PRORP: variants seen among roughly 807,000 people sequenced by gnomAD.
The protein encoded by PRORP is mitochondrial ribonuclease P catalytic subunit.
A neutral mutation model predicts 59.4 loss-of-function variants in PRORP; 51 were observed. The ratio of observed to expected loss-of-function variants is 0.86; its 90% CI spans 0.69 to 1.08. The LOEUF (loss-of-function observed/expected upper bound fraction) is 1.08, where lower values mean the gene tolerates loss of function less well. PRORP is among the 50% of genes least tolerant of loss of function. The probability of loss-of-function intolerance (pLI) is 0.00; values close to 1 mark genes in which losing one functional copy is unlikely to be tolerated. For synonymous variants in PRORP, 231 were observed against 245.6 expected, an observed-to-expected ratio of 0.94 and a Z score of 0.55; for missense variants, 646 against 690.3, an observed-to-expected ratio of 0.94 and a Z score of 0.72.
chr14:35,184,027 T>G (rs1304583638), intron 5 of PRORP, among the ~76,000 whole-genome samples: 1 of 152,158 alleles, frequency 6.6e-6, no homozygotes, highest in Admixed American at 6.5e-5. Flanking sequence ...TTCCAGACTT[T>G]TTGTCTGTGG....
intron 4 of PRORP, among the ~76,000 whole-genome samples, chr14:35,169,859 G>C (rs754723679): frequency 6.6e-6 from 1 of 152,178 alleles, no homozygotes; most frequent in Non-Finnish European, 1.5e-5. Flanking sequence ...ATATAGATTT[G>C]TCTTCGAAGT....
chr14:35,231,179 A>G (rs1277202016), intron 5 of PRORP, among the ~76,000 whole-genome samples: 1 of 152,208 alleles, frequency 6.6e-6, no homozygotes, highest in Non-Finnish European at 1.5e-5. Flanking sequence ...ACTACCTTAC[A>G]TCACATTACC....
At chr14:35,162,299 A>T (rs951784501) in intron 4 of PRORP, among the ~76,000 whole-genome samples, 1 of 152,154 alleles carries the variant, frequency 6.6e-6, no homozygotes, top group Non-Finnish European at 1.5e-5. Context: ...CTTCATGGAA[A>T]TTTTAACAGT....
chr14:35,140,316 A>G (rs1186444403), intron 4 of PRORP, among the ~76,000 whole-genome samples: 1 of 145,306 alleles, frequency 6.9e-6, no homozygotes, highest in Non-Finnish European at 1.5e-5. Context: ...CCAGCAGAGT[A>G]TGAGGGCTAT....
At position 35,123,943 on chromosome 14, in the gene PRORP, T is replaced by G; in HGVS notation, c.698T>G (p.Leu233Ter). ...AGATGGAGAGAAGCATTGTTGCTGT[T>G]AGAGGACATCAAAAAAGTTATAACT... ...SDRWREALLL[L>*]EDIKKVITPS... Residue 233 changes from leucine to a stop codon, truncating the protein, a stop_gained, in exon 2 of 8, where the codon TTA (leucine) becomes TGA (stop). Coordinates refer to ENST00000534898, the MANE Select transcript of PRORP (RefSeq NM_014672.4). LOFTEE classifies it high-confidence loss of function. 1 of 1,614,162 alleles carries G rather than the reference T, an allele frequency of 6.2e-7. No individual in the cohort carries two copies. The highest frequency in any genetic ancestry group is 8.5e-7 in the Non-Finnish European group (1 of 1,180,020).
At chr14:35,134,041 C>G (rs2047315021) in intron 4 of PRORP, among the ~76,000 whole-genome samples, 1 of 152,208 alleles carries the variant, frequency 6.6e-6, no homozygotes, top group African/African-American at 2.4e-5. Context: ...GTAAAGCCAG[C>G]CAGGCCTGTG....
At position 35,249,401 on chromosome 14, in the gene PRORP, A is replaced by G. The variant is rs578218311; in HGVS notation, c.1276-17326A>G. ...GTTCAAGACCAGCCTGGGCAACATC[A>G]TGAGACCCTATCTCTACAAAAAATA... is the stretch of plus-strand genomic sequence containing the variant. On this transcript the variant is annotated intron_variant, in intron 5 of 7. Transcript: ENST00000534898. 1.8e-3 allele frequency among the ~76,000 whole-genome samples: 273 copies of G among 152,132 alleles called. 1 individual carries two copies. The highest frequency in any genetic ancestry group is 6.3e-3 in the African/African-American group (262 of 41,498).
intron 4 of PRORP, among the ~76,000 whole-genome samples, chr14:35,151,934 CTTT>C (rs11342103): frequency 2.4e-5 from 3 of 124,822 alleles, no homozygotes; most frequent in African/African-American, 3.0e-5. Context: ...GTTAATCCAT[CTTT>C]TTTTTTTTTT....
chr14:35,153,741 G>C (rs1478674213), intron 4 of PRORP, among the ~76,000 whole-genome samples: 1 of 152,140 alleles, frequency 6.6e-6, no homozygotes, highest in African/African-American at 2.4e-5. Flanking sequence ...GTTGTTTAAA[G>C]GAACATGCCT....
chr14:35,143,180 T>A (rs940353921), intron 4 of PRORP, among the ~76,000 whole-genome samples: 3 of 146,014 alleles, frequency 2.1e-5, no homozygotes, highest in African/African-American at 7.3e-5. Flanking sequence ...AGCGAGACAG[T>A]CTCTCTCTGT....
In PRORP at chr14:35,266,875, T is replaced by C. The variant is rs1343357011; in HGVS notation, c.1424T>C (p.Ile475Thr). ...KQASCFFADD[I>T]SEDDPFLLYA... ...GCCAGCTGTTTTTTTGCTGATGACATGTAAGTGTTGGAGGTAATAGGTGAA... is the reference window on the plus strand; with the variant it reads ...GCCAGCTGTTTTTTTGCTGATGACACGTAAGTGTTGGAGGTAATAGGTGAA... The change falls in exon 6 of 8, where the codon ATC becomes ACC. Residue 475 changes from isoleucine to threonine, a missense_variant and splice_region_variant. Coordinates refer to ENST00000534898, the MANE Select transcript of PRORP (RefSeq NM_014672.4). 2.5e-6 allele frequency: 4 copies of C among 1,613,934 alleles called. No individual in the cohort carries two copies. Among genetic ancestry groups the C allele is most frequent in the Non-Finnish European group, 3.4e-6 (4 of 1,180,006 alleles).
At chr14:35,196,307 G>GC (rs2049007702) in intron 5 of PRORP, among the ~76,000 whole-genome samples, 1 of 152,066 alleles carries the variant, frequency 6.6e-6, no homozygotes, top group African/African-American at 2.4e-5. Context: ...AGACCCCCCT[G>GC]CCCCCTGCCA....
intron 5 of PRORP, among the ~76,000 whole-genome samples, chr14:35,238,287 G>A (rs2050271940): frequency 6.6e-6 from 1 of 152,114 alleles, no homozygotes; most frequent in Non-Finnish European, 1.5e-5. Context: ...ATGCCCTGTG[G>A]TATGCATTTG....
rs2051296934 is a variant in PRORP at position 35,276,573 on chromosome 14, C to T, written c.*3007C>T. The stretch of plus-strand genomic sequence containing the variant: ...GTGACCTTGAGGAGTGCAGGGATTC[C>T]CTGAAGGAAGCAGCTGGTACCAGAC... On this transcript the variant is annotated 3_prime_UTR_variant, in exon 8 of 8. Coordinates refer to ENST00000534898, the MANE Select transcript of PRORP (RefSeq NM_014672.4). 1 of 151,672 alleles carries T rather than the reference C, an allele frequency of 6.6e-6. No individual in the cohort carries two copies. Among genetic ancestry groups the T allele is most frequent in the Admixed American group, 6.6e-5 (1 of 15,198 alleles). 9.4% of individuals were successfully genotyped at this position (151,672 alleles called of 1,614,324 possible). A position where few individuals can be genotyped will look rare whatever the true frequency, so the allele number is the denominator to read the frequency against.
At chr14:35,143,126 A>G in intron 4 of PRORP, among the ~76,000 whole-genome samples, 1 of 146,026 alleles carries the variant, frequency 6.8e-6, no homozygotes, top group Non-Finnish European at 1.5e-5. Context: ...ATATTTAAAC[A>G]TTATTGAACA....
At chr14:35,259,843 C>T (rs1230252222) in intron 5 of PRORP, among the ~76,000 whole-genome samples, 3 of 152,022 alleles carry the variant, frequency 2.0e-5, no homozygotes, top group Non-Finnish European at 4.4e-5. Context: ...TGCAGTGAGC[C>T]GAGATCAGAC....
Position 35,197,541 on chromosome 14 carries a change from A to G in PRORP, c.1275+16764A>G, listed in dbSNP as rs1456011430. ...TTTCTGTTTCACAATTTTCACTAAT[A>G]TAAAGGCTGATTTTTATCCCAGTCA... On this transcript the variant is annotated intron_variant, in intron 5 of 7. Coordinates refer to ENST00000534898, the MANE Select transcript of PRORP (RefSeq NM_014672.4). Among the ~76,000 whole-genome samples the G allele has an allele frequency of 3.9e-5, 6 of 152,270 alleles. No individual in the cohort carries two copies. In the East Asian group the frequency reaches 1.2e-3, roughly 29 times the overall value.
intron 5 of PRORP, among the ~76,000 whole-genome samples, chr14:35,189,067 A>G (rs2048818368): frequency 6.6e-6 from 1 of 151,972 alleles, no homozygotes; most frequent in Middle Eastern, 3.2e-3. Context: ...TTAGGGAAAT[A>G]GTTCAATCTT....
At position 35,273,556 on chromosome 14, in the gene PRORP, A is replaced by G. The variant is rs202038313; in HGVS notation, c.1742A>G (p.Gln581Arg). 5.0e-6 allele frequency: 8 copies of G among 1,612,874 alleles called. No homozygotes were observed. The African/African-American group carries it at 1.1e-4, about 22-fold the overall frequency. The change falls in exon 8 of 8, where the codon CAA becomes CGA. Residue 581 changes from glutamine (Q) to arginine (R), a missense_variant. Physicochemically the swap from Gln to Arg is conservative, Grantham distance 43 (BLOSUM62 1). Coordinates refer to ENST00000534898, the MANE Select transcript of PRORP (RefSeq NM_014672.4). ...EVPTKWLCLH[Q>R]KT ...CCAACCAAATGGCTTTGCCTCCACCAAAAGACATAGAGATTCTTACCTCTA... is the reference window on the plus strand; with the variant it reads ...CCAACCAAATGGCTTTGCCTCCACCGAAAGACATAGAGATTCTTACCTCTA...
Sources: gnomAD v4.1 joint callset for allele counts (sites outside exome capture counted in the v4.1 genomes callset) on GRCh38, gnomAD v4.1.1 for gene constraint, MANE v1.5 for transcripts, NCBI Gene and HGNC (gene_info 2026-07-23, HGNC 2026-07-21) for gene names.